Variants in FMO3 observed in about 807,000 individuals in gnomAD.
FMO3 encodes the protein flavin-containing monooxygenase 3.
FMO3 carries 40 observed loss-of-function variants against 39.4 expected under a neutral mutation model. That is an observed-to-expected ratio of 1.02 (90% CI 0.79 to 1.32). The LOEUF (loss-of-function observed/expected upper bound fraction) is 1.32. Ranked by LOEUF, FMO3 falls within the 40% of genes most tolerant of loss-of-function variation. The probability of loss-of-function intolerance (pLI) is 0.00; values close to 1 mark genes in which losing one functional copy is unlikely to be tolerated. For missense variants in FMO3, 680 were observed against 651.8 expected, an observed-to-expected ratio of 1.04 and a Z score of -0.47; for synonymous variants, 219 against 228.8, an observed-to-expected ratio of 0.96 and a Z score of 0.39.
At chr1:171,096,058 T>C (rs1485967080) in intron 2 of FMO3, among the ~76,000 whole-genome samples, 1 of 52,372 alleles carries the variant, frequency 1.9e-5, no homozygotes, top group East Asian at 5.5e-4. Context: ...AAATATATAA[T>C]ATATATTATA....
At chr1:171,099,124 C>T (rs564218768) in intron 2 of FMO3, among the ~76,000 whole-genome samples, 1 of 152,240 alleles carries the variant, frequency 6.6e-6, no homozygotes, top group East Asian at 1.9e-4. Context: ...TTTCAAAGAA[C>T]ATCTTTATTT....
rs1656027010 is a variant in FMO3 at position 171,114,011 on chromosome 1, C to T, written c.832C>T (p.Leu278=). ...NYGLMPLNGV[L]RKEPVFNDEL... ...TTGTCTCTGTTTTCCATACAGAGTC[C>T]TGAGGAAAGAGCCTGTATTTAACGA... The change falls in exon 7 of 9, where the codon CTG becomes TTG. Residue 278 remains leucine, a synonymous_variant. Transcript: ENST00000367755. 1 of 1,596,094 alleles carries T rather than the reference C, an allele frequency of 6.3e-7. No individual in the cohort carries two copies. The highest frequency in any genetic ancestry group is 2.2e-5 in the East Asian group (1 of 44,730).
chr1:171,110,904 A>G lies in FMO3; in HGVS notation c.734A>G (p.Asn245Ser), dbSNP rs143544847. 3.7e-6 allele frequency: 6 copies of G among 1,614,008 alleles called. No individual in the cohort carries two copies. The highest frequency in any genetic ancestry group is 4.2e-6 in the Non-Finnish European group (5 of 1,179,936). Residue 245 changes from asparagine (N) to serine (S), a missense_variant, in exon 6 of 9, where the codon AAC (asparagine) becomes AGC (serine). By Grantham distance (46) the Asn-to-Ser change is conservative. Transcript: ENST00000367755. ...LVTRFGTFLK[N>S]NLPTAISDWL... is the part of the protein sequence containing the mutation. The stretch of plus-strand genomic sequence containing the variant: ...ACTCGATTTGGAACCTTCCTCAAGA[A>G]CAATTTACCGACAGCCATCTCTGAC...
At chr1:171,101,128 A>T (rs1178837807) in intron 2 of FMO3, 1 of 456,136 alleles carries the variant, frequency 2.2e-6, no homozygotes. Context: ...ACTGAAAAAA[A>T]TAAGAAATGC....
At chr1:171,105,216 C>G (rs1296160079) in intron 3 of FMO3, among the ~76,000 whole-genome samples, 1 of 152,024 alleles carries the variant, frequency 6.6e-6, no homozygotes, top group Non-Finnish European at 1.5e-5. Context: ...TTGCAGTGAA[C>G]AAGTTATTTC....
chr1:171,106,979 T>C (rs1655668548), intron 3 of FMO3, among the ~76,000 whole-genome samples: 1 of 152,158 alleles, frequency 6.6e-6, no homozygotes, highest in Non-Finnish European at 1.5e-5. Context: ...ATGTAACATA[T>C]ATGTGTTTGT....
intron 2 of FMO3, among the ~76,000 whole-genome samples, chr1:171,093,543 A>G (rs1198415378): frequency 1.3e-5 from 2 of 151,790 alleles, no homozygotes; most frequent in South Asian, 2.1e-4. Flanking sequence ...GTGTATATAT[A>G]CATATATGTA....
intron 2 of FMO3, among the ~76,000 whole-genome samples, chr1:171,096,150 TGAATATA>T (rs1655023811): frequency 1.3e-5 from 1 of 79,418 alleles, no homozygotes; most frequent in African/African-American, 5.5e-5. Flanking sequence ...TATATTGATA[TGAATATA>T]TAATATATAT....
chr1:171,115,486 A>T (rs994285592), intron 7 of FMO3, among the ~76,000 whole-genome samples: 1 of 152,186 alleles, frequency 6.6e-6, no homozygotes, highest in Non-Finnish European at 1.5e-5. Context: ...CCCTATAAGA[A>T]GTGTAGAAAT....
At chr1:171,096,511 T>G (rs1464366934) in intron 2 of FMO3, among the ~76,000 whole-genome samples, 1 of 104,088 alleles carries the variant, frequency 9.6e-6, no homozygotes, top group Non-Finnish European at 1.7e-5. Context: ...CTTTATATAT[T>G]AAATACATAA....
chr1:171,096,081 A>ATATATAAATATATAATATATATTATATAT (rs1557933421), intron 2 of FMO3, among the ~76,000 whole-genome samples: 2 of 56,010 alleles, frequency 3.6e-5, no homozygotes, highest in Non-Finnish European at 6.3e-5. Context: ...TTAATATATA[A>ATATATAAATATATAATATATATTATATAT]TATATATTAA....
intron 2 of FMO3, among the ~76,000 whole-genome samples, chr1:171,102,918 G>C (rs1029234890): frequency 6.6e-6 from 1 of 152,040 alleles, no homozygotes; most frequent in Admixed American, 6.6e-5. Context: ...TGCTTAAAAG[G>C]CATGCAATGC....
chr1:171,095,012 G>C (rs554708235), intron 2 of FMO3, among the ~76,000 whole-genome samples: 1 of 152,034 alleles, frequency 6.6e-6, no homozygotes, highest in East Asian at 1.9e-4. Flanking sequence ...AAGTCTTTTG[G>C]GCATATGGTT....
rs530400479 is a variant in FMO3, at chr1:171,101,917, C to G, written c.133-1868C>G. ...GAATACCTCCCTTTTTTAACTTCCTCTGATTTTTTTCTGGACTATGTATCA... is the reference window on the plus strand; with the variant it reads ...GAATACCTCCCTTTTTTAACTTCCTGTGATTTTTTTCTGGACTATGTATCA... On this transcript the variant is annotated intron_variant, in intron 2 of 8. Transcript: ENST00000367755. The G allele has an allele frequency of 3.9e-5, 14 of 357,460 alleles. No individual in the cohort carries two copies. The Middle Eastern group carries it at 2.7e-3, about 68-fold the overall frequency. The allele number at this position is 357,460 out of a possible 1,614,324, so 22.1% of individuals were successfully genotyped here.
At position 171,092,734 on chromosome 1, in the gene FMO3, C is replaced by G; in HGVS notation, c.76C>G (p.Leu26Val). 6.2e-7 allele frequency: 1 copy of G among 1,614,064 alleles called. No individual in the cohort carries two copies. Among genetic ancestry groups the G allele is most frequent in the Non-Finnish European group, 8.5e-7 (1 of 1,179,996 alleles). The change falls in exon 2 of 9, where the codon CTG (leucine) becomes GTG (valine). Residue 26 changes from leucine (L) to valine (V), a missense_variant. By Grantham distance (32) the Leu-to-Val change is conservative. Coordinates refer to ENST00000367755, the MANE Select transcript of FMO3 (RefSeq NM_001002294.3). ...ASIRSCLEEGLEPTCFEKSND... is the reference protein window; with the variant it reads ...ASIRSCLEEGVEPTCFEKSND... ...CATCAGGAGCTGTCTGGAAGAGGGG[C>G]TGGAGCCCACCTGCTTTGAGAAGAG...
At chr1:171,097,646 T>C (rs1163248836) in intron 2 of FMO3, among the ~76,000 whole-genome samples, 2 of 146,902 alleles carry the variant, frequency 1.4e-5, no homozygotes, top group Non-Finnish European at 3.0e-5. Context: ...TTGTTTGTTT[T>C]TTTCTTGTAA....
At chr1:171,108,285 G>T in intron 5 of FMO3, 64 bp downstream of exon 5, 1 of 1,589,646 alleles carries the variant, frequency 6.3e-7, no homozygotes, top group Non-Finnish European at 8.6e-7. Flanking sequence ...TCGTTTGAAA[G>T]GTGTGATATG....
chr1:171,101,207 G>A (rs1306918384), intron 2 of FMO3: 1 of 456,054 alleles, frequency 2.2e-6, no homozygotes, highest in African/African-American at 2.0e-5. Flanking sequence ...AATGAACATG[G>A]TACTGTCACA....
At chr1:171,104,168 C>T (rs1655537384) in intron 3 of FMO3, among the ~76,000 whole-genome samples, 195 bp downstream of exon 3, 1 of 152,056 alleles carries the variant, frequency 6.6e-6, no homozygotes, top group Admixed American at 6.6e-5. Context: ...ATTTGACCAC[C>T]TACAGTTCTT....
Sources: allele counts gnomAD v4.1 joint callset (sites outside exome capture counted in the v4.1 genomes callset), GRCh38; gene constraint gnomAD v4.1.1; transcripts MANE v1.5; gene names NCBI Gene and HGNC (gene_info 2026-07-23, HGNC 2026-07-21).